The following CASK variants were observed in gnomAD, a reference collection of about 807,000 sequenced individuals.
CASK encodes the protein calcium/calmodulin dependent serine protein kinase.
In CASK, 4 loss-of-function variants were observed where a neutral mutation model predicts 82.9. The ratio of observed to expected loss-of-function variants is 0.05; its 90% CI spans 0.02 to 0.11. The LOEUF is 0.11. Ranked by LOEUF, CASK falls within the 10% of genes least tolerant of loss-of-function variation. The pLI is 1.00. For synonymous variants in CASK, 259 were observed against 253.5 expected (o/e 1.02, Z -0.20); for missense variants, 358 against 720.9 (o/e 0.50, Z 5.76).
At chrX:41,627,486 G>A (rs1159034998) in intron 9 of CASK, among the ~76,000 whole-genome samples, 1 of 111,486 alleles carries the variant, frequency 9.0e-6, no homozygotes, top group Admixed American at 9.6e-5. Flanking sequence ...GTGAAGTGTG[G>A]GCTTTTAGTG....
intron 8 of CASK, among the ~76,000 whole-genome samples, chrX:41,651,051 C>T (rs1482108701): frequency 1.8e-5 from 2 of 111,981 alleles, no homozygotes; most frequent in Non-Finnish European, 3.8e-5. Flanking sequence ...CTTTCTTGTG[C>T]TAGAAATTTA....
At chrX:41,716,284 C>T (rs778306205) in intron 5 of CASK, among the ~76,000 whole-genome samples, 36 of 112,162 alleles carry the variant, frequency 3.2e-4, no homozygotes, top group African/African-American at 8.7e-4. Flanking sequence ...CTCAGAGTAA[C>T]GGTTTGATAG....
intron 5 of CASK, among the ~76,000 whole-genome samples, chrX:41,732,679 T>C (rs2068418558): frequency 9.0e-6 from 1 of 111,106 alleles, no homozygotes. Flanking sequence ...CACACGCTAC[T>C]CCTGGCTCAG....
chrX:41,696,066 C>T, intron 5 of CASK: 1 of 1,206,646 alleles, frequency 8.3e-7, no homozygotes, highest in Non-Finnish European at 1.1e-6. Flanking sequence ...CATTATTTTG[C>T]TTGGATTCAT....
chrX:41,890,985 T>A (rs1346543135), intron 1 of CASK, among the ~76,000 whole-genome samples: 2 of 108,184 alleles, frequency 1.8e-5, no homozygotes, highest in Non-Finnish European at 3.8e-5. Flanking sequence ...CCTCCCAGGT[T>A]CAAGTGACTC....
At chrX:41,754,700 TTA>T (rs1396562946) in intron 3 of CASK, among the ~76,000 whole-genome samples, 2 of 110,877 alleles carry the variant, frequency 1.8e-5, no homozygotes, top group Admixed American at 9.6e-5. Flanking sequence ...TACTGAAACT[TTA>T]TGTCACAAAT....
At chrX:41,754,779 T>C (rs2068860866) in intron 3 of CASK, among the ~76,000 whole-genome samples, 1 of 110,844 alleles carries the variant, frequency 9.0e-6, no homozygotes, top group African/African-American at 3.3e-5. Context: ...ACAAAAAGAA[T>C]TAGAAAACTT....
intron 1 of CASK, among the ~76,000 whole-genome samples, chrX:41,913,858 C>G (rs1324509991): frequency 8.9e-6 from 1 of 112,027 alleles, no homozygotes; most frequent in Non-Finnish European, 1.9e-5. Flanking sequence ...CCAAAGGTTA[C>G]CAGATCAGAA....
At chrX:41,794,659 C>T (rs190543094) in intron 2 of CASK, among the ~76,000 whole-genome samples, 2 of 112,152 alleles carry the variant, frequency 1.8e-5, no homozygotes, top group African/African-American at 6.5e-5. Flanking sequence ...TGTGGGATGA[C>T]AGAATGCATA....
intron 1 of CASK, among the ~76,000 whole-genome samples, chrX:41,856,394 G>A (rs967510928): frequency 1.8e-5 from 2 of 111,322 alleles, no homozygotes; most frequent in Non-Finnish European, 3.8e-5. Context: ...AGATAATAAG[G>A]AAAGTTCAGA....
chrX:41,869,732 G>C (rs1249049588), intron 1 of CASK, among the ~76,000 whole-genome samples: 1 of 97,745 alleles, frequency 1.0e-5, no homozygotes, highest in Admixed American at 1.2e-4. Flanking sequence ...GGAATTGCTT[G>C]AACCCGGGAG....
chrX:41,563,750 C>T (rs1407806754), intron 16 of CASK, among the ~76,000 whole-genome samples: 2 of 111,293 alleles, frequency 1.8e-5, no homozygotes, highest in African/African-American at 6.5e-5. Flanking sequence ...CCTGGATGGC[C>T]TTTTAATGTT....
intron 5 of CASK, chrX:41,696,665 A>T (rs745544205): frequency 2.5e-6 from 3 of 1,210,303 alleles, no homozygotes; most frequent in Non-Finnish European, 3.4e-6. Context: ...TTCTTTTTAG[A>T]CGATTTCAAG....
At chrX:41,899,935 A>G (rs2072338030) in intron 1 of CASK, among the ~76,000 whole-genome samples, 1 of 111,609 alleles carries the variant, frequency 9.0e-6, no homozygotes, top group South Asian at 3.7e-4. Flanking sequence ...CATTTCTTGT[A>G]AAGTAGGTCT....
At chrX:41,868,590 C>G (rs2071635080) in intron 1 of CASK, among the ~76,000 whole-genome samples, 1 of 111,296 alleles carries the variant, frequency 9.0e-6, no homozygotes, top group South Asian at 3.8e-4. Flanking sequence ...ATCAAAGCCA[C>G]CACAACATAA....
intron 22 of CASK, among the ~76,000 whole-genome samples, chrX:41,540,336 T>C (rs750859839): frequency 8.9e-6 from 1 of 112,240 alleles, no homozygotes; most frequent in East Asian, 2.8e-4. Flanking sequence ...GTTCTACCCC[T>C]ATTAGGCTCC....
intron 2 of CASK, among the ~76,000 whole-genome samples, chrX:41,843,143 G>T (rs1299119604): frequency 9.0e-6 from 1 of 111,345 alleles, no homozygotes; most frequent in Non-Finnish European, 1.9e-5. Flanking sequence ...TTTTCAATCT[G>T]GATGCTTTTA....
chrX:41,623,829 C>T (rs983958337), intron 10 of CASK, among the ~76,000 whole-genome samples: 1 of 111,517 alleles, frequency 9.0e-6, no homozygotes, highest in Non-Finnish European at 1.9e-5. Flanking sequence ...CTGCCTCAGC[C>T]TCCCTAGTAG....
At chrX:41,809,438 C>T (rs971980062) in intron 2 of CASK, among the ~76,000 whole-genome samples, 20 of 112,238 alleles carry the variant, frequency 1.8e-4, no homozygotes, top group South Asian at 3.7e-4. Context: ...CAGCAATATT[C>T]GCTGTTCTGC....
Sources: allele counts gnomAD v4.1 joint callset (sites outside exome capture counted in the v4.1 genomes callset), GRCh38; gene constraint gnomAD v4.1.1; transcripts MANE v1.5; gene names NCBI Gene and HGNC (gene_info 2026-07-23, HGNC 2026-07-21).